Variants in GLI2 observed in about 807,000 individuals in gnomAD.
GLI2 encodes the protein GLI family zinc finger 2.
A neutral mutation model predicts 78.9 loss-of-function variants in GLI2; 22 were observed. The ratio of observed to expected loss-of-function variants is 0.28; its 90% CI spans 0.20 to 0.40. The LOEUF is 0.40. GLI2 is among the 10% of genes least tolerant of loss of function. The pLI is 1.00. For missense variants in GLI2, 2,097 were observed against 2,213.2 expected (o/e 0.95, Z 1.05); for synonymous variants, 974 against 963.7 (o/e 1.01, Z -0.20).
At chr2:120,944,557 T>A (rs114096822) in intron 3 of GLI2, among the ~76,000 whole-genome samples, 1 of 152,136 alleles carries the variant, frequency 6.6e-6, no homozygotes, top group Non-Finnish European at 1.5e-5. Context: ...GGGGATCAGC[T>A]GAAATTAGGC....
intron 5 of GLI2, among the ~76,000 whole-genome samples, chr2:120,959,329 T>C (rs1681429503): frequency 6.6e-6 from 1 of 152,096 alleles, no homozygotes; most frequent in Admixed American, 6.6e-5. Flanking sequence ...AGGAGGGATA[T>C]CAGTTTCTCC....
chr2:120,903,317 C>T (rs1428653598), intron 2 of GLI2, among the ~76,000 whole-genome samples: 1 of 151,948 alleles, frequency 6.6e-6, no homozygotes, highest in Admixed American at 6.6e-5. Context: ...GATCACGCCA[C>T]TACACTCAGG....
intron 7 of GLI2, among the ~76,000 whole-genome samples, chr2:120,971,439 T>G (rs1682163302): frequency 1.3e-5 from 2 of 152,200 alleles, no homozygotes; most frequent in Non-Finnish European, 2.9e-5. Context: ...ATGTCCTCCC[T>G]CTCCACCCCA....
At position 120,786,747 on chromosome 2, in the gene GLI2, GCCTCCTGCAGCAGACATT is replaced by G. The variant is rs1684008607; in HGVS notation, c.-30-10543_-30-10526del. On this transcript the variant is annotated intron_variant, in intron 1 of 13. Transcript: ENST00000361492. Reference sequence around the variant, plus strand: ...GCAGACAGTACAAGTTGACTAGTGTGCCTCCTGCAGCAGACATTAGAAGTCGATTACTGCACTTTTCCT... The same window carrying G: ...GCAGACAGTACAAGTTGACTAGTGTGAGAAGTCGATTACTGCACTTTTCCT... Among the ~76,000 whole-genome samples, 3 of 152,278 alleles carry G rather than the reference GCCTCCTGCAGCAGACATT, an allele frequency of 2.0e-5. No homozygotes were observed. The East Asian group carries it at 5.8e-4, about 29-fold the overall frequency.
chr2:120,821,084 G>A (rs1281480047), intron 2 of GLI2, among the ~76,000 whole-genome samples: 1 of 152,144 alleles, frequency 6.6e-6, no homozygotes, highest in Non-Finnish European at 1.5e-5. Context: ...CACTAAGCCT[G>A]GGATGATCTG....
chr2:120,736,527 G>A (rs1325081185), intron 1 of GLI2, among the ~76,000 whole-genome samples: 1 of 151,800 alleles, frequency 6.6e-6, no homozygotes, highest in Non-Finnish European at 1.5e-5. Flanking sequence ...CTTGGAGCTC[G>A]TGGCCAGAGG....
intron 2 of GLI2, among the ~76,000 whole-genome samples, chr2:120,845,747 T>C (rs1183596743): frequency 6.6e-6 from 1 of 152,210 alleles, no homozygotes; most frequent in Non-Finnish European, 1.5e-5. Context: ...GATACCTCTG[T>C]TTCTGTGGCA....
intron 2 of GLI2, among the ~76,000 whole-genome samples, chr2:120,864,024 C>T (rs1688017754): frequency 1.3e-5 from 2 of 152,252 alleles, no homozygotes; most frequent in South Asian, 4.2e-4. Context: ...AGACAAATTC[C>T]CAAGGGCAGT....
chr2:120,825,232 C>G (rs1477770513), intron 2 of GLI2, among the ~76,000 whole-genome samples: 1 of 152,196 alleles, frequency 6.6e-6, no homozygotes, highest in Non-Finnish European at 1.5e-5. Context: ...TTTAAGGAGC[C>G]CATTTATCAC....
At position 120,983,217 on chromosome 2, in the gene GLI2, G is replaced by A. The variant is rs539153148; in HGVS notation, c.1632+337G>A. On this transcript the variant is annotated intron_variant, in intron 11 of 13. Transcript: ENST00000361492. ...CCTCGAGAGTTGAAGTTGAAGCAGG[G>A]AAGTGGCCCTTCTGATCTCGGAGTG... Among the ~76,000 whole-genome samples the A allele has an allele frequency of 2.2e-3, 342 of 152,226 alleles. 2 individuals carry two copies. Among genetic ancestry groups the A allele is most frequent in the African/African-American group, 7.9e-3 (328 of 41,544 alleles).
Position 120,786,473 on chromosome 2 carries a change from C to T in GLI2, c.-30-10818C>T, listed in dbSNP as rs183438257. On this transcript the variant is annotated intron_variant, in intron 1 of 13. Coordinates refer to ENST00000361492, the MANE Select transcript of GLI2 (RefSeq NM_001374353.1). ...ATACCACCCCCACCCTCCAACCCCC[C>T]GCCCAACCTGCAATTCCACTGAGAA... is the stretch of plus-strand genomic sequence containing the variant. 3.1e-3 allele frequency among the ~76,000 whole-genome samples: 469 copies of T among 152,142 alleles called. 1 individual carries two copies. The highest frequency in any genetic ancestry group is 0.011 in the African/African-American group (454 of 41,502).
chr2:120,744,613 T>C (rs1175635405), intron 1 of GLI2, among the ~76,000 whole-genome samples: 3 of 152,238 alleles, frequency 2.0e-5, no homozygotes, highest in Non-Finnish European at 4.4e-5. Context: ...ATGTGCGACA[T>C]GTATATTTAT....
intron 3 of GLI2, among the ~76,000 whole-genome samples, chr2:120,950,814 C>T (rs1680943598): frequency 6.6e-6 from 1 of 152,210 alleles, no homozygotes; most frequent in African/African-American, 2.4e-5. Flanking sequence ...AGTATGAGCT[C>T]TTTGCGTTTT....
At chr2:120,863,500 TTC>T (rs1466179219) in intron 2 of GLI2, among the ~76,000 whole-genome samples, 1 of 152,266 alleles carries the variant, frequency 6.6e-6, no homozygotes, top group Non-Finnish European at 1.5e-5. Context: ...CAGTTCTTTA[TTC>T]TGTTTTAATC....
At chr2:120,792,703 A>G (rs1414555167) in intron 1 of GLI2, among the ~76,000 whole-genome samples, 1 of 151,986 alleles carries the variant, frequency 6.6e-6, no homozygotes, top group Admixed American at 6.6e-5. Context: ...CCTCACTGCA[A>G]CCTCCACCTC....
chr2:120,776,527 A>C (rs746090432), intron 1 of GLI2, among the ~76,000 whole-genome samples: 17 of 151,918 alleles, frequency 1.1e-4, no homozygotes, highest in African/African-American at 4.1e-4. Context: ...CCCTAGACAC[A>C]TTTGCCTGGG....
In GLI2 at chr2:120,798,334, A is replaced by G. The variant is rs750685774; in HGVS notation, c.148+866A>G. Among the ~76,000 whole-genome samples the G allele has an allele frequency of 2.0e-5, 3 of 152,148 alleles. No homozygotes were observed. The East Asian group carries it at 5.8e-4, about 29-fold the overall frequency. ...TTGTTTTGGTGGAGACCCCGATTCAATTAAGTTGGGGCAGGGCTGGCTGAG... is the reference window on the plus strand; with the variant it reads ...TTGTTTTGGTGGAGACCCCGATTCAGTTAAGTTGGGGCAGGGCTGGCTGAG... On this transcript the variant is annotated intron_variant, in intron 2 of 13. Coordinates refer to ENST00000361492, the MANE Select transcript of GLI2 (RefSeq NM_001374353.1).
intron 1 of GLI2, among the ~76,000 whole-genome samples, chr2:120,736,526 C>T (rs575739638): frequency 2.0e-5 from 3 of 151,716 alleles, no homozygotes; most frequent in Non-Finnish European, 2.9e-5. Context: ...GCTTGGAGCT[C>T]GTGGCCAGAG....
chr2:120,804,033 G>T (rs1466658338), intron 2 of GLI2, among the ~76,000 whole-genome samples: 1 of 152,170 alleles, frequency 6.6e-6, no homozygotes, highest in Non-Finnish European at 1.5e-5. Context: ...CATACTGACA[G>T]CCCTCCTATC....
Sources: gnomAD v4.1 joint callset for allele counts (sites outside exome capture counted in the v4.1 genomes callset) on GRCh38, gnomAD v4.1.1 for gene constraint, MANE v1.5 for transcripts, NCBI Gene and HGNC (gene_info 2026-07-23, HGNC 2026-07-21) for gene names.